Variants in HACD2 observed in about 807,000 individuals in gnomAD.
The protein encoded by HACD2 is very-long-chain (3R)-3-hydroxyacyl-CoA dehydratase 2.
In HACD2, 15 loss-of-function variants were observed where a neutral mutation model predicts 31.0. That is an observed-to-expected ratio of 0.48 (90% CI 0.32 to 0.75). HACD2 has a LOEUF of 0.75. Ranked by LOEUF, HACD2 falls within the 30% of genes least tolerant of loss-of-function variation. The probability of loss-of-function intolerance (pLI) is 0.03; values close to 1 mark genes in which losing one functional copy is unlikely to be tolerated. For synonymous variants in HACD2, 115 were observed against 122.2 expected, an observed-to-expected ratio of 0.94 and a Z score of 0.39; for missense variants, 283 against 313.0, an observed-to-expected ratio of 0.90 and a Z score of 0.72.
chr3:123,563,644 TACACACACACAC>T (rs58761061), intron 3 of HACD2, among the ~76,000 whole-genome samples: 59 of 112,070 alleles, frequency 5.3e-4, no homozygotes, highest in East Asian at 3.0e-3. Flanking sequence ...AAAATATATA[TACACACACACAC>T]ACACACACAC....
intron 3 of HACD2, among the ~76,000 whole-genome samples, chr3:123,553,115 T>G (rs1486407192): frequency 6.6e-6 from 1 of 152,226 alleles, no homozygotes; most frequent in Non-Finnish European, 1.5e-5. Context: ...AAGGGCCTAT[T>G]GGGTATCTGG....
chr3:123,551,760 T>G (rs1389162820), intron 3 of HACD2, among the ~76,000 whole-genome samples: 3 of 152,220 alleles, frequency 2.0e-5, no homozygotes, highest in Non-Finnish European at 4.4e-5. Context: ...TAGAGATTAA[T>G]CACAGCTGTA....
intron 6 of HACD2, among the ~76,000 whole-genome samples, chr3:123,496,564 C>T (rs886515124): frequency 6.6e-6 from 1 of 152,122 alleles, no homozygotes; most frequent in Non-Finnish European, 1.5e-5. Flanking sequence ...GGCAGGACGT[C>T]GTTCACAGAA....
intron 3 of HACD2, among the ~76,000 whole-genome samples, chr3:123,557,400 C>T (rs770678125): frequency 5.9e-5 from 9 of 152,206 alleles, no homozygotes; most frequent in South Asian, 2.1e-4. Context: ...TTAAAAGATA[C>T]TTTACCAGGC....
chr3:123,545,200 G>A (rs1208858510), intron 3 of HACD2, among the ~76,000 whole-genome samples: 2 of 144,458 alleles, frequency 1.4e-5, no homozygotes, highest in African/African-American at 5.1e-5. Context: ...AAAGTCTTTT[G>A]GTCAGGCGCA....
intron 3 of HACD2, among the ~76,000 whole-genome samples, chr3:123,561,399 T>C (rs1358142277): frequency 6.6e-6 from 1 of 152,152 alleles, no homozygotes; most frequent in Non-Finnish European, 1.5e-5. Flanking sequence ...TGAAAGGTCT[T>C]TTGTCCCTGC....
Position 123,494,802 on chromosome 3 carries a change from A to C in HACD2, c.*86T>G. On this transcript the variant is annotated 3_prime_UTR_variant, in exon 7 of 7. Transcript: ENST00000383657. ...TAAAAATAGTTCTTACTTATTTTCTATGAAACGTATTGGGAACTCAAAAAA... is the reference window on the plus strand; with the variant it reads ...TAAAAATAGTTCTTACTTATTTTCTCTGAAACGTATTGGGAACTCAAAAAA... 1.2e-6 allele frequency: 1 copy of C among 837,228 alleles called. No homozygotes were observed. Among genetic ancestry groups the C allele is most frequent in the Non-Finnish European group, 1.9e-6 (1 of 514,740 alleles). The allele number at this position is 837,228 out of a possible 1,614,324, so 51.9% of individuals were successfully genotyped here. A position where few individuals can be genotyped will look rare whatever the true frequency, so the allele number is the denominator to read the frequency against.
chr3:123,567,873 A>C, intron 2 of HACD2, 93 bp from the exon 3 acceptor site: 1 of 733,548 alleles, frequency 1.4e-6, no homozygotes, highest in Non-Finnish European at 2.1e-6. Context: ...GTAAGAATAG[A>C]GCAGCGTCTG....
intron 6 of HACD2, chr3:123,499,645 G>A (rs945595959): frequency 4.4e-6 from 2 of 456,002 alleles, no homozygotes; most frequent in Non-Finnish European, 8.8e-6. Context: ...TTTAACCTGG[G>A]GTTTAGGGAA....
At chr3:123,526,657 C>T (rs2056287990) in intron 4 of HACD2, among the ~76,000 whole-genome samples, 1 of 151,864 alleles carries the variant, frequency 6.6e-6, no homozygotes, top group South Asian at 2.1e-4. Context: ...TACTGTAAAG[C>T]TCAAATGTGA....
chr3:123,521,739 C>A (rs960135127), intron 4 of HACD2, among the ~76,000 whole-genome samples: 2 of 152,030 alleles, frequency 1.3e-5, no homozygotes, highest in Non-Finnish European at 2.9e-5. Flanking sequence ...CAAGTGAAAC[C>A]AATTTCCTGA....
chr3:123,508,081 A>G (rs2107686538), intron 4 of HACD2, among the ~76,000 whole-genome samples: 1 of 152,170 alleles, frequency 6.6e-6, no homozygotes, highest in East Asian at 1.9e-4. Context: ...CAAAGAGGGA[A>G]AAGGGAGATG....
chr3:123,570,945 TACAC>T (rs931351861), intron 2 of HACD2, among the ~76,000 whole-genome samples: 1 of 98,902 alleles, frequency 1.0e-5, no homozygotes, highest in Non-Finnish European at 1.7e-5. Context: ...CACACACACA[TACAC>T]ACACACACAG....
At chr3:123,520,765 C>G (rs2056204367) in intron 4 of HACD2, among the ~76,000 whole-genome samples, 1 of 151,958 alleles carries the variant, frequency 6.6e-6, no homozygotes, top group African/African-American at 2.4e-5. Flanking sequence ...ACTGGTGACT[C>G]CCCACTGATA....
rs1193465153 is a variant in HACD2, at chr3:123,567,781, C to A, written c.274-1G>T. 6.7e-7 allele frequency: 1 copy of A among 1,498,584 alleles called. No individual in the cohort carries two copies. The highest frequency in any genetic ancestry group is 2.4e-5 in the East Asian group (1 of 41,028). 92.8% of individuals were successfully genotyped at this position (1,498,584 alleles called of 1,614,324 possible). On this transcript the variant is annotated splice_acceptor_variant, in intron 2 of 6. Coordinates refer to ENST00000383657, the MANE Select transcript of HACD2 (RefSeq NM_198402.5). LOFTEE classifies it high-confidence loss of function. ...ACTTACCTATAGCACAATGTAAAATCTAGAGGAAAAAAGGGGAAAAAAGAG... is the reference window on the plus strand; with the variant it reads ...ACTTACCTATAGCACAATGTAAAATATAGAGGAAAAAAGGGGAAAAAAGAG...
chr3:123,512,736 G>A (rs1000894116), intron 4 of HACD2, among the ~76,000 whole-genome samples: 1 of 152,104 alleles, frequency 6.6e-6, no homozygotes, highest in Admixed American at 6.6e-5. Context: ...GAACACTGAG[G>A]TATTAGACTG....
chr3:123,578,275 T>C (rs916954043), intron 2 of HACD2, among the ~76,000 whole-genome samples: 3 of 152,170 alleles, frequency 2.0e-5, no homozygotes, highest in African/African-American at 4.8e-5. Flanking sequence ...TATTTATAGA[T>C]ACTTTTTTTT....
intron 3 of HACD2, among the ~76,000 whole-genome samples, chr3:123,553,916 C>G (rs1221186708): frequency 6.6e-6 from 1 of 151,252 alleles, no homozygotes; most frequent in Non-Finnish European, 1.5e-5. Flanking sequence ...CAGTTCCTGA[C>G]ACTACTAGAG....
chr3:123,553,946 A>C (rs1376865665), intron 3 of HACD2, among the ~76,000 whole-genome samples: 1 of 150,358 alleles, frequency 6.7e-6, no homozygotes, highest in East Asian at 2.0e-4. Context: ...CATCCAACTA[A>C]AAGAATAATA....
Sources: gnomAD v4.1 joint callset for allele counts (sites outside exome capture counted in the v4.1 genomes callset) on GRCh38, gnomAD v4.1.1 for gene constraint, MANE v1.5 for transcripts, NCBI Gene and HGNC (gene_info 2026-07-23, HGNC 2026-07-21) for gene names.